NUDC: variants seen among roughly 807,000 people sequenced by gnomAD.
NUDC encodes nuclear distribution C, dynein complex regulator.
In NUDC, 14 loss-of-function variants were observed where a neutral mutation model predicts 45.0. That is an observed-to-expected ratio of 0.31 (90% CI 0.21 to 0.49). NUDC has a LOEUF of 0.49. Among genes scored for constraint, NUDC ranks in the 20% least tolerant of loss-of-function variants. The pLI, the probability that NUDC is intolerant of heterozygous loss-of-function variation, is 0.99. For missense variants in NUDC, 323 were observed against 426.2 expected (o/e 0.76, Z 2.13); for synonymous variants, 153 against 156.7 (o/e 0.98, Z 0.17).
intron 2 of NUDC, 90 bp from the exon 3 acceptor site, chr1:26,941,367 G>C: frequency 7.3e-7 from 1 of 1,378,466 alleles, no homozygotes; most frequent in Non-Finnish European, 1.0e-6. Context: ...CTTTGCCCTT[G>C]CACCCAGCAG....
rs1236482563 is a variant in NUDC, at chr1:26,945,278, G to A, written c.742-112G>A. 5 of 830,592 alleles carry A rather than the reference G, an allele frequency of 6.0e-6. No individual in the cohort carries two copies. The East Asian group carries it at 1.0e-4, about 17-fold the overall frequency. The allele number at this position is 830,592 out of a possible 1,614,324, so 51.5% of individuals were successfully genotyped here. On this transcript the variant is annotated intron_variant, in intron 6 of 8. Coordinates refer to ENST00000321265, the MANE Select transcript of NUDC (RefSeq NM_006600.4). ...TCTGGATCCAGTGTAGGCCTGCAAGGGTCTCAGGTGCAGGATGTGGATGGG... is the reference window on the plus strand; with the variant it reads ...TCTGGATCCAGTGTAGGCCTGCAAGAGTCTCAGGTGCAGGATGTGGATGGG...
intron 2 of NUDC, 74 bp downstream of exon 2, chr1:26,924,240 G>T (rs2124096848): frequency 7.7e-7 from 1 of 1,290,550 alleles, no homozygotes; most frequent in South Asian, 1.2e-5. Context: ...CCTTTCTTTG[G>T]CATAATAGTA....
At chr1:26,913,477 G>A (rs1336632856) in intron 3 of NUDC, 2 of 1,614,052 alleles carry the variant, frequency 1.2e-6, no homozygotes, top group Non-Finnish European at 1.7e-6. Context: ...GCTCCAGAAG[G>A]ACTCCAGACA....
At chr1:26,905,797 A>G (rs1286462662) in intron 2 of NUDC, among the ~76,000 whole-genome samples, 2 of 152,164 alleles carry the variant, frequency 1.3e-5, no homozygotes, top group South Asian at 2.1e-4. Context: ...CAAAATGATC[A>G]AGATACCAGT....
rs1320660897 is a variant in NUDC, at chr1:26,946,254, G to A, written c.*73G>A. 1.1e-5 allele frequency: 15 copies of A among 1,333,282 alleles called. No homozygotes were observed. Among genetic ancestry groups the A allele is most frequent in the Non-Finnish European group, 1.1e-6 (1 of 926,276 alleles). The allele number at this position is 1,333,282 out of a possible 1,614,324, so 82.6% of individuals were successfully genotyped here. ...CAACTTTCTTTCCCACTCTTCTCTG[G>A]GACTTGTGGGCCTCAGGGCTTGGGG... On this transcript the variant is annotated 3_prime_UTR_variant, in exon 9 of 9. Coordinates refer to ENST00000321265, the MANE Select transcript of NUDC (RefSeq NM_006600.4).
intron 8 of NUDC, 115 bp from the exon 9 acceptor site, chr1:26,946,015 C>A: frequency 9.6e-7 from 1 of 1,040,012 alleles, no homozygotes; most frequent in Non-Finnish European, 1.5e-6. Flanking sequence ...TCCTGCCCAG[C>A]CTGGCTTGGT....
At chr1:26,929,195 G>C (rs2082158380) in intron 2 of NUDC, among the ~76,000 whole-genome samples, 1 of 152,138 alleles carries the variant, frequency 6.6e-6, no homozygotes, top group Admixed American at 6.6e-5. Context: ...GTATCCGTGG[G>C]CTCTGCATCC....
Position 26,941,537 on chromosome 1 carries a change from G to A in NUDC, c.240G>A (p.Glu80=). Residue 80 remains glutamate, a synonymous_variant, in exon 3 of 9, where the codon GAG becomes GAA. Transcript: ENST00000321265. Reference sequence around the variant, plus strand: ...AGAAGAGAGCCCGGCAGGAGGCCGAGCGGCGGGAGAAGGCGGAGCGGGCGG... The same window carrying A: ...AGAAGAGAGCCCGGCAGGAGGCCGAACGGCGGGAGAAGGCGGAGCGGGCGG... ...RREKRARQEA[E]RREKAERAAR... is the part of the protein sequence containing the mutation. The A allele has an allele frequency of 6.2e-7, 1 of 1,613,166 alleles. No homozygotes were observed. Among genetic ancestry groups the A allele is most frequent in the Non-Finnish European group, 8.5e-7 (1 of 1,179,710 alleles).
intron 2 of NUDC, among the ~76,000 whole-genome samples, chr1:26,940,163 G>A (rs1025078190): frequency 2.6e-5 from 4 of 152,164 alleles, no homozygotes; most frequent in South Asian, 2.1e-4. Context: ...TTGACCTGGC[G>A]CGGTAGCTCA....
intron 2 of NUDC, among the ~76,000 whole-genome samples, chr1:26,931,076 TTTTG>T (rs199712534): frequency 7.2e-4 from 109 of 152,054 alleles, no homozygotes; most frequent in African/African-American, 2.2e-3. Context: ...TTGTTTTGTT[TTTTG>T]TTTGTTTGTT....
At chr1:26,928,437 T>C (rs2082151801) in intron 2 of NUDC, among the ~76,000 whole-genome samples, 1 of 152,212 alleles carries the variant, frequency 6.6e-6, no homozygotes, top group Non-Finnish European at 1.5e-5. Context: ...TTGTAAATGG[T>C]AAAAGACATT....
rs369137943 is a variant in NUDC, at chr1:26,942,854, G to A, written c.547-17G>A. The A allele has an allele frequency of 6.2e-7, 1 of 1,613,918 alleles. No homozygotes were observed. The highest frequency in any genetic ancestry group is 1.3e-5 in the African/African-American group (1 of 75,054). ...CAGCACTTAGTGGCCTCTTCTGACT[G>A]CCTCTGCCCTATGCAGCTGGCGGTC... On this transcript the variant is annotated splice_polypyrimidine_tract_variant and intron_variant, in intron 5 of 8. Transcript: ENST00000321265.
intron 2 of NUDC, among the ~76,000 whole-genome samples, chr1:26,933,229 G>A (rs1043542290): frequency 6.6e-5 from 10 of 151,140 alleles, no homozygotes; most frequent in Non-Finnish European, 1.2e-4. Context: ...CACCGCGCCC[G>A]GCCACAATTT....
Position 26,945,629 on chromosome 1 carries a change from A to G in NUDC, c.887A>G (p.Gln296Arg). Residue 296 changes from glutamine (Q) to arginine (R), a missense_variant, in exon 8 of 9, where the codon CAG becomes CGG. Physicochemically the swap from Gln to Arg is conservative, Grantham distance 43 (BLOSUM62 1). Around this residue, in one of 3 missense-constraint regions of NUDC, gnomAD observed 54 missense variants for 100.2 expected, o/e 0.54. Transcript: ENST00000321265. Reference protein sequence around the residue: ...MVEKMMYDQRQKSMGLPTSDE... With the variant: ...MVEKMMYDQRRKSMGLPTSDE... ...GAAAAGATGATGTATGACCAGCGAC[A>G]GAAGTCCATGGGGCTGCCAACTTCA... is the stretch of plus-strand genomic sequence containing the variant. 3 of 1,614,222 alleles carry G rather than the reference A, an allele frequency of 1.9e-6. No individual in the cohort carries two copies. The highest frequency in any genetic ancestry group is 2.5e-6 in the Non-Finnish European group (3 of 1,180,044).
At chr1:26,904,418 A>G (rs907134053) in intron 2 of NUDC, among the ~76,000 whole-genome samples, 1 of 151,778 alleles carries the variant, frequency 6.6e-6, no homozygotes, top group African/African-American at 2.4e-5. Context: ...GATCCACCCA[A>G]CTCATTATTA....
chr1:26,913,984 CTGCGCTG>C (rs964459540), intron 3 of NUDC: 1 of 1,403,064 alleles, frequency 7.1e-7, no homozygotes, highest in Non-Finnish European at 9.3e-7. Flanking sequence ...GCTCTGTGTT[CTGCGCTG>C]TGGGTGCTAT....
rs1404091769 is a variant in NUDC at position 26,945,622 on chromosome 1, C to T, written c.880C>T (p.Gln294Ter). ...RSMVEKMMYD[Q>*]RQKSMGLPTS... ...CATGGTGGAAAAGATGATGTATGAC[C>T]AGCGACAGAAGTCCATGGGGCTGCC... is the stretch of plus-strand genomic sequence containing the variant. Residue 294 changes from glutamine (Q) to a stop codon, truncating the protein, a stop_gained, in exon 8 of 9, where the codon CAG becomes TAG. Transcript: ENST00000321265. LOFTEE classifies it high-confidence loss of function. The T allele has an allele frequency of 6.2e-7, 1 of 1,614,040 alleles. No individual in the cohort carries two copies. Among genetic ancestry groups the T allele is most frequent in the African/African-American group, 1.3e-5 (1 of 74,912 alleles).
upstream of NUDC, among the ~76,000 whole-genome samples, chr1:26,919,079 CTT>C (rs71010304): frequency 3.4e-5 from 5 of 147,370 alleles, 1 homozygote; most frequent in Middle Eastern, 0.011. Context: ...CATCCAGCTA[CTT>C]TTTTTTTTTT....
upstream of NUDC, chr1:26,921,741 C>T (rs946089323): frequency 7.3e-6 from 9 of 1,238,748 alleles, no homozygotes; most frequent in African/African-American, 1.4e-4. Flanking sequence ...TCCGGCTCCG[C>T]TGCGGAAGGC....
Sources: gnomAD v4.1 joint callset for allele counts (sites outside exome capture counted in the v4.1 genomes callset) on GRCh38, gnomAD v4.1.1 for gene constraint, gnomAD v4.1.1 regional missense constraint, MANE v1.5 for transcripts, NCBI Gene and HGNC (gene_info 2026-07-23, HGNC 2026-07-21) for gene names.